ADRA1D: variants seen among roughly 807,000 people sequenced by gnomAD.
ADRA1D encodes adrenoceptor alpha 1D.
ADRA1D carries 22 observed loss-of-function variants against 18.6 expected under a neutral mutation model. That is an observed-to-expected ratio of 1.19 (90% CI 0.85 to 1.69). ADRA1D has a LOEUF of 1.69. Ranked by LOEUF, ADRA1D falls within the 40% of genes most tolerant of loss-of-function variation. The pLI is 0.00. For synonymous variants in ADRA1D, 376 were observed against 388.2 expected, an observed-to-expected ratio of 0.97 and a Z score of 0.37; for missense variants, 840 against 840.7, an observed-to-expected ratio of 1.00 and a Z score of 0.01.
At chr20:4,245,742 C>T (rs993229852) in intron 1 of ADRA1D, among the ~76,000 whole-genome samples, 2 of 152,118 alleles carry the variant, frequency 1.3e-5, no homozygotes, top group African/African-American at 4.8e-5. Context: ...CACCCAGGAG[C>T]CCAGCACAGC....
rs564658036 is a variant in ADRA1D, at chr20:4,221,218, C to A, written c.*305G>T. 128 of 277,126 alleles carry A rather than the reference C, an allele frequency of 4.6e-4. No homozygotes were observed. Among genetic ancestry groups the A allele is most frequent in the Non-Finnish European group, 7.5e-4 (112 of 149,116 alleles). The allele number at this position is 277,126 out of a possible 1,614,324, so 17.2% of individuals were successfully genotyped here. ...GGGGCTGTCTACTCAGGGTTCAGGGCATGGAGGATGGGGCAGTGTTTCTCA... is the reference window on the plus strand; with the variant it reads ...GGGGCTGTCTACTCAGGGTTCAGGGAATGGAGGATGGGGCAGTGTTTCTCA... On this transcript the variant is annotated 3_prime_UTR_variant, in exon 2 of 2. Transcript: ENST00000379453.
intron 1 of ADRA1D, among the ~76,000 whole-genome samples, chr20:4,246,168 A>G (rs1161989637): frequency 3.3e-5 from 5 of 152,052 alleles, no homozygotes; most frequent in African/African-American, 1.2e-4. Flanking sequence ...CTCCCCACAT[A>G]CCAGGCCCAT....
At position 4,248,517 on chromosome 20, in the gene ADRA1D, G is replaced by A. The variant is rs1458577121; in HGVS notation, c.441C>T (p.Ala147=). Residue 147 remains alanine, a synonymous_variant, in exon 1 of 2, where the codon GCC becomes GCT. Transcript: ENST00000379453. ...NLAVADLLLS[A]TVLPFSATME... is the part of the protein sequence containing the mutation. ...TGGTGGCCGAGAAGGGCAGTACGGT[G>A]GCGCTCAGCAGCAGGTCGGCCACGG... 1 of 1,613,758 alleles carries A rather than the reference G, an allele frequency of 6.2e-7. No individual in the cohort carries two copies. The highest frequency in any genetic ancestry group is 1.3e-5 in the African/African-American group (1 of 74,950).
intron 1 of ADRA1D, 67 bp downstream of exon 1, chr20:4,247,780 G>A (rs1005832735): frequency 1.4e-6 from 2 of 1,420,270 alleles, no homozygotes; most frequent in Non-Finnish European, 1.8e-6. Context: ...CCAAGTCTGG[G>A]TGCCAGGAGG....
Position 4,248,502 on chromosome 20 carries a change from G to A in ADRA1D, c.456C>T (p.Phe152=), listed in dbSNP as rs1425321066. 1.2e-6 allele frequency: 2 copies of A among 1,613,774 alleles called. No homozygotes were observed. The highest frequency in any genetic ancestry group is 8.5e-7 in the Non-Finnish European group (1 of 1,179,918). Residue 152 remains phenylalanine (F), a synonymous_variant, in exon 1 of 2, where the codon TTC becomes TTT. Coordinates refer to ENST00000379453, the MANE Select transcript of ADRA1D (RefSeq NM_000678.4). The part of the protein sequence containing the change: ...DLLLSATVLP[F]SATMEVLGFW... ...AGCCCAGAACCTCCATGGTGGCCGA[G>A]AAGGGCAGTACGGTGGCGCTCAGCA... is the stretch of plus-strand genomic sequence containing the variant.
In ADRA1D at chr20:4,248,402, TGAG is replaced by T; in HGVS notation, c.553_555del (p.Leu185del). 1.2e-6 allele frequency: 2 copies of T among 1,610,350 alleles called. No homozygotes were observed. Among genetic ancestry groups the T allele is most frequent in the Non-Finnish European group, 1.7e-6 (2 of 1,178,520 alleles). Reference sequence around the variant, plus strand: ...CGGTCCACGGAGATGGTGCAGAGGCTGAGGATGGAGGCCGTGCAGCACAGCACG... The same window carrying T: ...CGGTCCACGGAGATGGTGCAGAGGCTGATGGAGGCCGTGCAGCACAGCACG... On this transcript the variant is annotated inframe_deletion, in exon 1 of 2. Transcript: ENST00000379453.
Position 4,223,382 on chromosome 20 carries a change from C to T in ADRA1D, c.1112-1252G>A, listed in dbSNP as rs189816326. Among the ~76,000 whole-genome samples, 14 of 152,278 alleles carry T rather than the reference C, an allele frequency of 9.2e-5. No homozygotes were observed. In the East Asian group the frequency reaches 9.6e-4, roughly 10 times the overall value. ...GCGTGACTCTGAGAAGGGACCCATACGCTTCCCCAGGTGCCTAAGGAGTCT... is the reference window on the plus strand; with the variant it reads ...GCGTGACTCTGAGAAGGGACCCATATGCTTCCCCAGGTGCCTAAGGAGTCT... On this transcript the variant is annotated intron_variant, in intron 1 of 1. Transcript: ENST00000379453.
chr20:4,226,611 T>C (rs1980806165), intron 1 of ADRA1D, among the ~76,000 whole-genome samples: 1 of 152,194 alleles, frequency 6.6e-6, no homozygotes, highest in South Asian at 2.1e-4. Context: ...TGGGTGTTAA[T>C]TTTCCACACT....
At position 4,222,054 on chromosome 20, in the gene ADRA1D, G is replaced by A. The variant is rs1980685954; in HGVS notation, c.1188C>T (p.Cys396=). 4 of 1,612,276 alleles carry A rather than the reference G, an allele frequency of 2.5e-6. No individual in the cohort carries two copies. Among genetic ancestry groups the A allele is most frequent in the Non-Finnish European group, 3.4e-6 (4 of 1,179,310 alleles). The part of the protein sequence containing the change: ...VIFWLGYFNS[C]VNPLIYPCSS... ...AACAGGGGTAGATGAGCGGGTTCAC[G>A]CAGCTGTTGAAGTAGCCGAGCCAGA... is the stretch of plus-strand genomic sequence containing the variant. Residue 396 remains cysteine (C), a synonymous_variant, in exon 2 of 2, where the codon TGC becomes TGT. Transcript: ENST00000379453. The surrounding 1 kb of genome is among the most constrained non-coding windows in gnomAD (Gnocchi z 4.3).
At chr20:4,245,863 G>A (rs915118647) in intron 1 of ADRA1D, among the ~76,000 whole-genome samples, 1 of 152,172 alleles carries the variant, frequency 6.6e-6, no homozygotes, top group Non-Finnish European at 1.5e-5. Flanking sequence ...GCTTCTCCTA[G>A]TGTGTTGCTT....
intron 1 of ADRA1D, 143 bp downstream of exon 1, chr20:4,247,704 G>T (rs1981367138): frequency 1.0e-6 from 1 of 964,718 alleles, no homozygotes; most frequent in African/African-American, 1.7e-5. Flanking sequence ...AATGGTGCAT[G>T]CACACCTGCC....
intron 1 of ADRA1D, among the ~76,000 whole-genome samples, chr20:4,244,873 T>G (rs533345604): frequency 6.6e-6 from 1 of 152,336 alleles, no homozygotes; most frequent in African/African-American, 2.4e-5. Flanking sequence ...TTCAACTCAA[T>G]TCAGCTCCAC....
rs1164928839 is a variant in ADRA1D at position 4,249,057 on chromosome 20, G to A, written c.-100C>T. The A allele has an allele frequency of 7.5e-6, 7 of 933,882 alleles. No individual in the cohort carries two copies. The South Asian group carries it at 1.2e-4, about 17-fold the overall frequency. 57.8% of individuals were successfully genotyped at this position (933,882 alleles called of 1,614,324 possible). ...GCCGCGGGGCTCCAGATGCAGCTCC[G>A]CGCACGGGTCCCGTCGGGGTCCTGC... On this transcript the variant is annotated 5_prime_UTR_variant, in exon 1 of 2. Transcript: ENST00000379453.
intron 1 of ADRA1D, among the ~76,000 whole-genome samples, chr20:4,236,117 G>C (rs938573938): frequency 6.6e-6 from 1 of 152,182 alleles, no homozygotes; most frequent in African/African-American, 2.4e-5. Context: ...GCCCCAGGCC[G>C]ACCTCTGACC....
At chr20:4,246,914 A>G (rs1568769682) in intron 1 of ADRA1D, among the ~76,000 whole-genome samples, 1 of 152,142 alleles carries the variant, frequency 6.6e-6, no homozygotes, top group Non-Finnish European at 1.5e-5. Flanking sequence ...GGCAGTGTGG[A>G]AGGGTCCAGG....
intron 1 of ADRA1D, among the ~76,000 whole-genome samples, chr20:4,225,594 G>A (rs955470309): frequency 6.6e-6 from 1 of 150,990 alleles, no homozygotes; most frequent in Non-Finnish European, 1.5e-5. Context: ...GCTACTTTTT[G>A]TATTTGTAGT....
intron 1 of ADRA1D, among the ~76,000 whole-genome samples, chr20:4,227,371 C>G (rs189860877): frequency 4.2e-4 from 64 of 152,280 alleles, no homozygotes; most frequent in Middle Eastern, 3.4e-3. Flanking sequence ...TTTTACTCTC[C>G]TCCCACCCGC....
At chr20:4,245,795 A>C (rs1405120184) in intron 1 of ADRA1D, among the ~76,000 whole-genome samples, 4 of 151,808 alleles carry the variant, frequency 2.6e-5, no homozygotes, top group African/African-American at 9.7e-5. Flanking sequence ...GGCCTGGGGG[A>C]TGGGCTTGGA....
chr20:4,231,066 C>CTT (rs778795892), intron 1 of ADRA1D, among the ~76,000 whole-genome samples: 129 of 96,004 alleles, frequency 1.3e-3, no homozygotes, highest in East Asian at 2.2e-3. Context: ...TTCTTTCTTT[C>CTT]TCTCTCTCTC....
Sources: allele counts gnomAD v4.1 joint callset (sites outside exome capture counted in the v4.1 genomes callset), GRCh38; gene constraint gnomAD v4.1.1; non-coding constraint Gnocchi (gnomAD v3.1); transcripts MANE v1.5; gene names NCBI Gene and HGNC (gene_info 2026-07-23, HGNC 2026-07-21).